The following GTF2IRD2 variants were observed in gnomAD, a reference collection of about 807,000 sequenced individuals.
GTF2IRD2 encodes general transcription factor II-I repeat domain-containing protein 2A.
A neutral mutation model predicts 49.2 loss-of-function variants in GTF2IRD2; 8 were observed. That is an observed-to-expected ratio of 0.16 (90% CI 0.10 to 0.29). The LOEUF is 0.29. Ranked by LOEUF, GTF2IRD2 falls within the 10% of genes least tolerant of loss-of-function variation. The probability of loss-of-function intolerance (pLI) is 1.00; values close to 1 mark genes in which losing one functional copy is unlikely to be tolerated. For missense variants in GTF2IRD2, 130 were observed against 725.7 expected, an observed-to-expected ratio of 0.18 and a Z score of 9.43; for synonymous variants, 47 against 289.7, an observed-to-expected ratio of 0.16 and a Z score of 8.51.
rs1388387290 is a variant in GTF2IRD2, at chr7:74,815,287, T to C, written c.671-2471A>G. ...ACAACAGGGTGAAAACCCGTCTCTA[T>C]TAAAAATACAAAAACCAGCCAGGTG... On this transcript the variant is annotated intron_variant, in intron 8 of 15. Transcript: ENST00000451013. Among the ~76,000 whole-genome samples the C allele has an allele frequency of 4.8e-5, 4 of 83,616 alleles. 1 individual carries two copies. The highest frequency in any genetic ancestry group is 1.2e-4 in the African/African-American group (4 of 34,204). The allele number at this position is 83,616 out of a possible 152,430, so 54.9% of individuals were successfully genotyped here.
intron 2 of GTF2IRD2, among the ~76,000 whole-genome samples, chr7:74,833,252 T>G (rs1210241413): frequency 1.6e-5 from 2 of 125,020 alleles, no homozygotes; most frequent in Non-Finnish European, 3.4e-5. Context: ...TGTGTGTGTG[T>G]GTGTATTTTT....
chr7:74,851,173 C>CA (rs1801563076), intron 1 of GTF2IRD2, among the ~76,000 whole-genome samples, 194 bp downstream of exon 1: 1 of 41,470 alleles, frequency 2.4e-5, no homozygotes, highest in African/African-American at 1.7e-4. Context: ...TCCCCGCCCC[C>CA]ACCCTCACAC....
At chr7:74,798,621 G>A (rs1329942763) in intron 15 of GTF2IRD2, among the ~76,000 whole-genome samples, 2 of 149,340 alleles carry the variant, frequency 1.3e-5, no homozygotes, top group African/African-American at 4.9e-5. Context: ...CGATTCTTCT[G>A]CCTCAGCCTC....
Position 74,851,435 on chromosome 7 carries a change from G to A in GTF2IRD2, c.-74C>T, listed in dbSNP as rs2131842062. The A allele has an allele frequency of 2.2e-5, 1 of 45,886 alleles. No individual in the cohort carries two copies. Among genetic ancestry groups the A allele is most frequent in the Non-Finnish European group, 3.8e-5 (1 of 26,620 alleles). 2.8% of individuals were successfully genotyped at this position (45,886 alleles called of 1,614,324 possible). The stretch of plus-strand genomic sequence containing the variant: ...CCTGGGCCACCGGGGAGCAGCCGAT[G>A]GCCGAGGGCGGCGGCCGAGAGCCCC... On this transcript the variant is annotated 5_prime_UTR_variant, in exon 1 of 16. Coordinates refer to ENST00000451013, the MANE Select transcript of GTF2IRD2 (RefSeq NM_173537.5).
At chr7:74,798,411 C>T in intron 15 of GTF2IRD2, 146 bp from the exon 16 acceptor site, 2 of 614,480 alleles carry the variant, frequency 3.3e-6, no homozygotes, top group Non-Finnish European at 6.0e-6. Flanking sequence ...ACCCACCCTG[C>T]AGAGGGACGG....
chr7:74,825,923 C>T (rs1554419556), intron 3 of GTF2IRD2, among the ~76,000 whole-genome samples: 1 of 151,792 alleles, frequency 6.6e-6, no homozygotes, highest in Admixed American at 6.6e-5. Context: ...GCCTCAGCCT[C>T]CTGAGTAGCT....
Position 74,796,435 on chromosome 7 carries a change from G to A in GTF2IRD2, c.*227C>T, listed in dbSNP as rs587751070. 18 of 519,614 alleles carry A rather than the reference G, an allele frequency of 3.5e-5. No homozygotes were observed. In the East Asian group the frequency reaches 4.6e-4, roughly 13 times the overall value. The allele number at this position is 519,614 out of a possible 1,614,324, so 32.2% of individuals were successfully genotyped here. On this transcript the variant is annotated 3_prime_UTR_variant, in exon 16 of 16. Transcript: ENST00000451013. ...AAATTAGCCAGGCATGGTGGCGCACGCCTGTAGTCCCAGCTGCTCGGGAGG... is the reference window on the plus strand; with the variant it reads ...AAATTAGCCAGGCATGGTGGCGCACACCTGTAGTCCCAGCTGCTCGGGAGG...
intron 9 of GTF2IRD2, among the ~76,000 whole-genome samples, chr7:74,811,226 C>T (rs1798124238): frequency 6.6e-6 from 1 of 151,446 alleles, no homozygotes; most frequent in Non-Finnish European, 1.5e-5. Context: ...AAAAATCAAC[C>T]GAGTGTGGTG....
At chr7:74,842,741 A>C (rs1193622220) in intron 1 of GTF2IRD2, among the ~76,000 whole-genome samples, 7 of 143,868 alleles carry the variant, frequency 4.9e-5, no homozygotes, top group Admixed American at 6.9e-5. Context: ...TATTTTTGTA[A>C]AGAGGTCTCA....
At position 74,806,975 on chromosome 7, in the gene GTF2IRD2, GC is replaced by G. The variant is rs1797826378; in HGVS notation, c.907del (p.Ala303GlnfsTer11). ...AACGATGTTAAGATCTTCAACACCT[GC>G]TGCAGAATTTGTAACACTGGATGAA... ...TNSSSVTNSA[A>X]GVEDLNIVQV... On this transcript the variant is annotated frameshift_variant, in exon 12 of 16. Transcript: ENST00000451013. LOFTEE classifies it high-confidence loss of function. 1.2e-5 allele frequency: 2 copies of G among 163,110 alleles called. No homozygotes were observed. Among genetic ancestry groups the G allele is most frequent in the Non-Finnish European group, 2.1e-5 (2 of 95,864 alleles). 10.1% of individuals were successfully genotyped at this position (163,110 alleles called of 1,614,324 possible).
chr7:74,800,176 T>G (rs1183886479), intron 15 of GTF2IRD2, among the ~76,000 whole-genome samples: 6 of 138,280 alleles, frequency 4.3e-5, no homozygotes, highest in Non-Finnish European at 6.2e-5. Context: ...GGAATAAAAA[T>G]GGAGCATTTT....
rs1554416252 is a variant in GTF2IRD2, at chr7:74,796,993, AAATCAGACAGCCT to A, written c.2506_2518del (p.Arg836SerfsTer8). On this transcript the variant is annotated frameshift_variant, in exon 16 of 16. Transcript: ENST00000451013. LOFTEE classifies it high-confidence loss of function. ...AGTCAGTTCGCTTTCGTAGAGTTTG[AAATCAGACAGCCT>A]TTTCTGGAATTCGGTCTGGAGTTCC... 1 of 616,034 alleles carries A rather than the reference AAATCAGACAGCCT, an allele frequency of 1.6e-6. No individual in the cohort carries two copies. Among genetic ancestry groups the A allele is most frequent in the East Asian group, 3.0e-5 (1 of 33,522 alleles). The allele number at this position is 616,034 out of a possible 1,614,324, so 38.2% of individuals were successfully genotyped here.
intron 8 of GTF2IRD2, among the ~76,000 whole-genome samples, chr7:74,815,797 G>GGAAAGAAAGAAAGAAAGAAAGAAA (rs1189790776): frequency 2.2e-5 from 1 of 45,878 alleles, no homozygotes; most frequent in Non-Finnish European, 4.3e-5. Context: ...AAAGAAAGAA[G>GGAAAGAAAGAAAGAAAGAAAGAAA]GAAAGAAAGA....
intron 5 of GTF2IRD2, 49 bp from the exon 6 acceptor site, chr7:74,822,504 A>G (rs782782430): frequency 2.5e-5 from 17 of 693,410 alleles, no homozygotes; most frequent in Middle Eastern, 3.9e-4. Flanking sequence ...TGAAAAAAGC[A>G]TGACACATCT....
Position 74,822,726 on chromosome 7 carries a change from C to T in GTF2IRD2, c.440G>A (p.Gly147Glu). 3 of 1,287,628 alleles carry T rather than the reference C, an allele frequency of 2.3e-6. No individual in the cohort carries two copies. The highest frequency in any genetic ancestry group is 3.2e-6 in the Non-Finnish European group (3 of 934,766). 79.8% of individuals were successfully genotyped at this position (1,287,628 alleles called of 1,614,324 possible). The change falls in exon 5 of 16, where the codon GGG (glycine) becomes GAG (glutamate). Residue 147 changes from glycine (G) to glutamate (E), a missense_variant. By Grantham distance (98) the Gly-to-Glu change is moderately conservative (BLOSUM62 -2). Coordinates refer to ENST00000451013, the MANE Select transcript of GTF2IRD2 (RefSeq NM_173537.5). ...LRDQSAVVVQ[G>E]LPEGVAFQHP... ...TTGAAAGGCAACGCCTTCCGGAAGC[C>T]CCTGCACTACCACAGCCGACTGGTC...
chr7:74,815,857 A>AGAAAGAAAGAAG (rs1798494905), intron 8 of GTF2IRD2, among the ~76,000 whole-genome samples: 2 of 106,692 alleles, frequency 1.9e-5, no homozygotes, highest in African/African-American at 7.8e-5. Flanking sequence ...AAAGAAAGAA[A>AGAAAGAAAGAAG]GAAAGAAAGA....
At chr7:74,815,868 G>A (rs1324441303) in intron 8 of GTF2IRD2, among the ~76,000 whole-genome samples, 3 of 87,400 alleles carry the variant, frequency 3.4e-5, no homozygotes, top group South Asian at 3.9e-4. Context: ...GAAAGAAAGA[G>A]AAAATAAATT....
rs1554421659 is a variant in GTF2IRD2 at position 74,840,516 on chromosome 7, C to T, written c.-5-4133G>A. 5.9e-5 allele frequency among the ~76,000 whole-genome samples: 4 copies of T among 67,970 alleles called. 1 individual carries two copies. In the South Asian group the frequency reaches 1.6e-3, roughly 26 times the overall value. 44.6% of individuals were successfully genotyped at this position (67,970 alleles called of 152,430 possible). On this transcript the variant is annotated intron_variant, in intron 1 of 15. Coordinates refer to ENST00000451013, the MANE Select transcript of GTF2IRD2 (RefSeq NM_173537.5). Reference sequence around the variant, plus strand: ...CCTGCTCTCTGGAAATGGGTGCATCCGGGTCACATCAGAAGTTTACTGTTC... The same window carrying T: ...CCTGCTCTCTGGAAATGGGTGCATCTGGGTCACATCAGAAGTTTACTGTTC...
rs1265353885 is a variant in GTF2IRD2, at chr7:74,841,613, A to G, written c.-5-5230T>C. Among the ~76,000 whole-genome samples, 6 of 141,808 alleles carry G rather than the reference A, an allele frequency of 4.2e-5. 1 individual carries two copies. Among genetic ancestry groups the G allele is most frequent in the African/African-American group, 1.8e-4 (6 of 34,242 alleles). The allele number at this position is 141,808 out of a possible 152,430, so 93.0% of individuals were successfully genotyped here. On this transcript the variant is annotated intron_variant, in intron 1 of 15. Transcript: ENST00000451013. The stretch of plus-strand genomic sequence containing the variant: ...CACACTGGGATTACAGCTGCAAGCC[A>G]CTACACCTGGCTCAATCAACTACTT...
Sources: gnomAD v4.1 joint callset for allele counts (sites outside exome capture counted in the v4.1 genomes callset) on GRCh38, gnomAD v4.1.1 for gene constraint, MANE v1.5 for transcripts, NCBI Gene and HGNC (gene_info 2026-07-23, HGNC 2026-07-21) for gene names.